The following PLEKHH2 variants were observed in gnomAD, a reference collection of about 807,000 sequenced individuals.
PLEKHH2 encodes the protein pleckstrin homology, MyTH4 and FERM domain containing H2.
Under a neutral mutation model 187.9 loss-of-function variants are expected in PLEKHH2, and 129 were observed. The ratio of observed to expected loss-of-function variants is 0.69; its 90% CI spans 0.59 to 0.79. The LOEUF (loss-of-function observed/expected upper bound fraction) is 0.79, where lower values mean the gene tolerates loss of function less well. Ranked by LOEUF, PLEKHH2 falls within the 30% of genes least tolerant of loss-of-function variation. The probability of loss-of-function intolerance (pLI) is 0.00; values close to 1 mark genes in which losing one functional copy is unlikely to be tolerated. For synonymous variants in PLEKHH2, 686 were observed against 605.6 expected (o/e 1.13, Z -1.95); for missense variants, 2,076 against 1,751.2 (o/e 1.19, Z -3.31).
intron 8 of PLEKHH2, among the ~76,000 whole-genome samples, chr2:43,703,123 A>G (rs1353734561): frequency 6.6e-6 from 1 of 152,194 alleles, no homozygotes; most frequent in Admixed American, 6.5e-5. Context: ...AACTCATGCC[A>G]GTTGCCTCTC....
At chr2:43,683,045 T>G (rs1661639419) in intron 3 of PLEKHH2, among the ~76,000 whole-genome samples, 1 of 152,128 alleles carries the variant, frequency 6.6e-6, no homozygotes, top group Non-Finnish European at 1.5e-5. Flanking sequence ...GCCCTACCTA[T>G]TCTACCTTTT....
intron 1 of PLEKHH2, among the ~76,000 whole-genome samples, chr2:43,643,594 T>C (rs995582913): frequency 2.0e-5 from 3 of 152,070 alleles, no homozygotes; most frequent in African/African-American, 4.8e-5. Context: ...GTTATATTTT[T>C]AGAAAACAAA....
intron 2 of PLEKHH2, among the ~76,000 whole-genome samples, chr2:43,659,542 T>C (rs924426052): frequency 2.6e-5 from 4 of 152,082 alleles, no homozygotes; most frequent in African/African-American, 9.7e-5. Flanking sequence ...GTTTTCTTTG[T>C]ATGTTTTGGA....
intron 2 of PLEKHH2, chr2:43,658,557 C>G (rs1237180440): frequency 6.6e-6 from 1 of 152,216 alleles, no homozygotes; most frequent in Non-Finnish European, 1.5e-5. Flanking sequence ...GAAGGCTTGA[C>G]TGGAGCTGGA....
intron 20 of PLEKHH2, 85 bp downstream of exon 20, chr2:43,738,605 A>G (rs1671413304): frequency 7.7e-7 from 1 of 1,298,604 alleles, no homozygotes; most frequent in Middle Eastern, 2.1e-4. Context: ...CAGCATAGAC[A>G]TTTGGAGAAT....
At chr2:43,653,726 C>T (rs571590128) in intron 2 of PLEKHH2, among the ~76,000 whole-genome samples, 3 of 152,060 alleles carry the variant, frequency 2.0e-5, no homozygotes, top group East Asian at 3.9e-4. Context: ...GAAAACCAGA[C>T]GTGAACAAAC....
At chr2:43,710,928 G>A (rs115333697) in intron 14 of PLEKHH2, 25,585 of 1,022,846 alleles carry the variant, frequency 0.025, 350 homozygotes, top group Non-Finnish European at 0.027. Flanking sequence ...ATAATGTACT[G>A]TGAAATTCAG....
intron 3 of PLEKHH2, among the ~76,000 whole-genome samples, chr2:43,688,765 G>T (rs1572559213): frequency 6.6e-6 from 1 of 152,170 alleles, no homozygotes; most frequent in Admixed American, 6.5e-5. Context: ...GAGAAATCAG[G>T]TATGAGCTTC....
intron 3 of PLEKHH2, among the ~76,000 whole-genome samples, chr2:43,684,616 C>T (rs78843893): frequency 0.013 from 1,974 of 152,066 alleles, 23 homozygotes; most frequent in Non-Finnish European, 0.019. Context: ...ATCCTTGTTC[C>T]CGATTCAAGG....
At chr2:43,678,386 C>A (rs61466844) in intron 2 of PLEKHH2, among the ~76,000 whole-genome samples, 1 of 148,970 alleles carries the variant, frequency 6.7e-6, no homozygotes, top group African/African-American at 2.5e-5. Context: ...TGTAGCGAGC[C>A]GAGATCACGC....
At chr2:43,709,697 G>C (rs532297117) in intron 11 of PLEKHH2, among the ~76,000 whole-genome samples, 1 of 152,134 alleles carries the variant, frequency 6.6e-6, no homozygotes. Flanking sequence ...TTAGCTGGGC[G>C]TGGTGGCGCA....
intron 26 of PLEKHH2, 95 bp from the exon 27 acceptor site, chr2:43,758,805 G>C: frequency 9.1e-7 from 1 of 1,101,048 alleles, no homozygotes; most frequent in Non-Finnish European, 1.2e-6. Flanking sequence ...GTTATGCTTA[G>C]GATTGGCTCA....
chr2:43,744,017 A>G, intron 23 of PLEKHH2, 28 bp downstream of exon 23: 1 of 1,603,198 alleles, frequency 6.2e-7, no homozygotes, highest in Non-Finnish European at 8.5e-7. Flanking sequence ...TCAGGAGCCA[A>G]GCCCAACGAA....
At chr2:43,667,798 G>T (rs919507604) in intron 2 of PLEKHH2, among the ~76,000 whole-genome samples, 1 of 152,106 alleles carries the variant, frequency 6.6e-6, no homozygotes, top group Non-Finnish European at 1.5e-5. Flanking sequence ...GTACAATGGG[G>T]AATTACTGCT....
Position 43,710,292 on chromosome 2 carries a change from GTTC to G in PLEKHH2, c.2179_2181del (p.Leu727del). On this transcript the variant is annotated inframe_deletion, in exon 13 of 30. Transcript: ENST00000282406. ...CAAGTCTTGGAAGCGGCGGTGGTTT[GTTC>G]TTAAAGGTGGTGAATTACTTTACTA... The G allele has an allele frequency of 6.2e-7, 1 of 1,614,096 alleles. No individual in the cohort carries two copies. The highest frequency in any genetic ancestry group is 1.6e-4 in the Middle Eastern group (1 of 6,062).
intron 16 of PLEKHH2, among the ~76,000 whole-genome samples, chr2:43,723,872 T>A (rs13387634): frequency 0.2 from 30,641 of 151,832 alleles, 3,288 homozygotes; most frequent in African/African-American, 0.23. Flanking sequence ...CCGGAGGGAA[T>A]AAGGAGGAGA....
At chr2:43,713,249 G>A (rs1027740068) in intron 15 of PLEKHH2, among the ~76,000 whole-genome samples, 8 of 152,038 alleles carry the variant, frequency 5.3e-5, no homozygotes, top group Admixed American at 1.3e-4. Context: ...TAAAAAATGA[G>A]GTATGATTAA....
At chr2:43,696,584 CT>C (rs1232138492) in intron 6 of PLEKHH2, among the ~76,000 whole-genome samples, 1 of 150,676 alleles carries the variant, frequency 6.6e-6, no homozygotes, top group African/African-American at 2.4e-5. Context: ...CTCACCTCCT[CT>C]TTTTTTTTCT....
intron 25 of PLEKHH2, among the ~76,000 whole-genome samples, chr2:43,754,347 A>G (rs1672129517): frequency 6.6e-6 from 1 of 150,496 alleles, no homozygotes. Flanking sequence ...TGTCATCACC[A>G]TGGTCCTGGG....
Sources: allele counts gnomAD v4.1 joint callset (sites outside exome capture counted in the v4.1 genomes callset), GRCh38; gene constraint gnomAD v4.1.1; transcripts MANE v1.5; gene names NCBI Gene and HGNC (gene_info 2026-07-23, HGNC 2026-07-21).